TAFA2: variants seen among roughly 807,000 people sequenced by gnomAD.
TAFA2 encodes the protein TAFA chemokine like family member 2, also known as chemokine-like protein TAFA-2.
In TAFA2, 7 loss-of-function variants were observed where a neutral mutation model predicts 18.8. The ratio of observed to expected loss-of-function variants is 0.37; its 90% confidence interval spans 0.21 to 0.70. The LOEUF (loss-of-function observed/expected upper bound fraction) is 0.70. Ranked by LOEUF, TAFA2 falls within the 30% of genes least tolerant of loss-of-function variation. The pLI is 0.53. For synonymous variants in TAFA2, 60 were observed against 54.2 expected (o/e 1.11, Z -0.47); for missense variants, 122 against 158.1 (o/e 0.77, Z 1.23).
intron 1 of TAFA2, among the ~76,000 whole-genome samples, chr12:62,121,511 A>G (rs1870195551): frequency 6.6e-6 from 1 of 152,210 alleles, no homozygotes; most frequent in Admixed American, 6.5e-5. Flanking sequence ...ATGAGAGAGT[A>G]TTTTTAAACT....
At chr12:62,122,692 A>G (rs1223601315) in intron 1 of TAFA2, among the ~76,000 whole-genome samples, 1 of 152,180 alleles carries the variant, frequency 6.6e-6, no homozygotes, top group Non-Finnish European at 1.5e-5. Flanking sequence ...TCAATGAGTG[A>G]TTGATAACAT....
In TAFA2 at chr12:61,867,378, T is replaced by C. The variant is rs752482086; in HGVS notation, c.48A>G (p.Ile16Met). 7.5e-6 allele frequency: 12 copies of C among 1,609,754 alleles called. No individual in the cohort carries two copies. The highest frequency in any genetic ancestry group is 9.3e-6 in the Non-Finnish European group (11 of 1,176,822). ...CCCACAAGGTTACAATAAATATTATTATTAGCAGTTTTCCTTTTGTTGCTT... is the reference window on the plus strand; with the variant it reads ...CCCACAAGGTTACAATAAATATTATCATTAGCAGTTTTCCTTTTGTTGCTT... ...LQKATKGKLL[I>M]IIFIVTLWGK... is the part of the protein sequence containing the mutation. Residue 16 changes from isoleucine to methionine, a missense_variant, in exon 2 of 5, where the codon ATA becomes ATG. By Grantham distance (10) the Ile-to-Met change is conservative. Transcript: ENST00000416284.
intron 1 of TAFA2, among the ~76,000 whole-genome samples, chr12:62,151,481 G>A (rs553909508): frequency 2.0e-5 from 3 of 152,306 alleles, no homozygotes; most frequent in Admixed American, 6.5e-5. Flanking sequence ...AAGATTGCCC[G>A]GAATGACAAT....
chr12:61,994,995 TCTGC>T (rs1880136926), intron 1 of TAFA2, among the ~76,000 whole-genome samples: 2 of 152,166 alleles, frequency 1.3e-5, no homozygotes, highest in African/African-American at 2.4e-5. Context: ...CCCCTAACTG[TCTGC>T]CTGTCTCATA....
chr12:61,775,073 C>T (rs1870199112), intron 2 of TAFA2, among the ~76,000 whole-genome samples: 1 of 151,644 alleles, frequency 6.6e-6, no homozygotes, highest in Admixed American at 6.6e-5. Flanking sequence ...AAAAGATGCT[C>T]CAAATCATGT....
At chr12:62,033,641 T>TTCTTCAAGG (rs1374561138) in intron 1 of TAFA2, among the ~76,000 whole-genome samples, 2 of 152,094 alleles carry the variant, frequency 1.3e-5, no homozygotes, top group Non-Finnish European at 2.9e-5. Context: ...ATGAAGAAAA[T>TTCTTCAAGG]TCTTCAAGGT....
chr12:62,221,106 AAAAAAC>A (rs1196512700), intron 1 of TAFA2, among the ~76,000 whole-genome samples: 3 of 151,244 alleles, frequency 2.0e-5, no homozygotes, highest in South Asian at 2.1e-4. Context: ...TCCGTCTAAA[AAAAAAC>A]AAAAACAAAA....
intron 1 of TAFA2, among the ~76,000 whole-genome samples, chr12:61,984,308 G>A (rs1235708443): frequency 6.6e-6 from 1 of 152,158 alleles, no homozygotes; most frequent in Non-Finnish European, 1.5e-5. Flanking sequence ...TGCCCTCATG[G>A]GGCTTACATT....
intron 4 of TAFA2, among the ~76,000 whole-genome samples, chr12:61,748,881 T>G (rs2120735743): frequency 7.5e-6 from 1 of 134,158 alleles, no homozygotes; most frequent in South Asian, 2.4e-4. Flanking sequence ...TTCCTCATTC[T>G]TATGCTATTC....
At chr12:61,914,123 A>G (rs971706236) in intron 1 of TAFA2, among the ~76,000 whole-genome samples, 2 of 152,092 alleles carry the variant, frequency 1.3e-5, no homozygotes, top group Non-Finnish European at 2.9e-5. Flanking sequence ...CCTAATCACT[A>G]TATTATCTCC....
intron 4 of TAFA2, among the ~76,000 whole-genome samples, chr12:61,715,773 G>A (rs1869630882): frequency 6.6e-6 from 1 of 151,470 alleles, no homozygotes; most frequent in Non-Finnish European, 1.5e-5. Context: ...TTAAAAATTA[G>A]CCAGTCGTGA....
rs111621259 is a variant in TAFA2, at chr12:61,978,345, T to G, written c.-1-110919A>C. 7.0e-3 allele frequency among the ~76,000 whole-genome samples: 1,073 copies of G among 152,202 alleles called. 15 individuals carry two copies. The highest frequency in any genetic ancestry group is 0.025 in the African/African-American group (1,022 of 41,554). On this transcript the variant is annotated intron_variant, in intron 1 of 4. Coordinates refer to ENST00000416284, the MANE Select transcript of TAFA2 (RefSeq NM_178539.5). ...GGTGAATTTGATATTCTTATCAGAC[T>G]TCATATATCTCACCCCCTATATTTC... is the stretch of plus-strand genomic sequence containing the variant.
chr12:61,973,395 ATTT>A (rs33918768), intron 1 of TAFA2, among the ~76,000 whole-genome samples: 104 of 135,558 alleles, frequency 7.7e-4, no homozygotes, highest in African/African-American at 2.0e-3. Flanking sequence ...TATTATTTAG[ATTT>A]TTTTTTTTTT....
chr12:62,054,496 T>C (rs1205202719), intron 1 of TAFA2, among the ~76,000 whole-genome samples: 1 of 152,232 alleles, frequency 6.6e-6, no homozygotes, highest in Non-Finnish European at 1.5e-5. Context: ...CAAGATACTT[T>C]AAGCTTTAGT....
At chr12:61,924,532 C>A (rs1030741314) in intron 1 of TAFA2, among the ~76,000 whole-genome samples, 11 of 152,122 alleles carry the variant, frequency 7.2e-5, no homozygotes, top group Admixed American at 2.0e-4. Flanking sequence ...CACAGGCAAG[C>A]AAATGCTGAG....
chr12:62,023,733 G>A (rs1340253187), intron 1 of TAFA2: 1 of 151,848 alleles, frequency 6.6e-6, no homozygotes, highest in East Asian at 1.9e-4. Context: ...ACCTGAGATG[G>A]ACAGCTTCAC....
At chr12:61,986,615 T>A (rs900404048) in intron 1 of TAFA2, among the ~76,000 whole-genome samples, 1 of 150,308 alleles carries the variant, frequency 6.7e-6, no homozygotes, top group South Asian at 2.1e-4. Flanking sequence ...ATCTAAGTTC[T>A]AAGAAAAAGT....
intron 4 of TAFA2, among the ~76,000 whole-genome samples, chr12:61,752,230 T>C (rs918872678): frequency 3.9e-5 from 6 of 152,036 alleles, no homozygotes; most frequent in African/African-American, 1.4e-4. Flanking sequence ...TTTTGTTCAG[T>C]GTATGGCATA....
At chr12:62,103,682 G>A (rs1340385812) in intron 1 of TAFA2, among the ~76,000 whole-genome samples, 2 of 151,782 alleles carry the variant, frequency 1.3e-5, no homozygotes, top group South Asian at 2.1e-4. Context: ...CGGAGGTTGC[G>A]GTGAGCCAAG....
Sources: allele counts gnomAD v4.1 joint callset (sites outside exome capture counted in the v4.1 genomes callset), GRCh38; gene constraint gnomAD v4.1.1; transcripts MANE v1.5; gene names NCBI Gene and HGNC (gene_info 2026-07-23, HGNC 2026-07-21).